The following ATP6V0D1 variants were observed in gnomAD, a reference collection of about 807,000 sequenced individuals.
The protein encoded by ATP6V0D1 is ATPase H+ transporting V0 subunit d1, also known as V-type proton ATPase subunit d 1.
A neutral mutation model predicts 39.0 loss-of-function variants in ATP6V0D1; 13 were observed. The ratio of observed to expected loss-of-function variants is 0.33; its 90% CI spans 0.22 to 0.53. ATP6V0D1 has a LOEUF of 0.53. Among genes scored for constraint, ATP6V0D1 ranks in the 20% least tolerant of loss-of-function variants. The pLI is 0.94. For missense variants in ATP6V0D1, 272 were observed against 470.9 expected, an observed-to-expected ratio of 0.58 and a Z score of 3.91; for synonymous variants, 191 against 191.2, an observed-to-expected ratio of 1.00 and a Z score of 0.01.
chr16:67,439,664 T>C (rs868274923), intron 4 of ATP6V0D1: 3 of 409,108 alleles, frequency 7.3e-6, no homozygotes, highest in Non-Finnish European at 1.3e-5. Flanking sequence ...TCCTCTGACT[T>C]TCCCCTGCTG....
chr16:67,477,902 C>T (rs796315281), intron 1 of ATP6V0D1, among the ~76,000 whole-genome samples: 41 of 152,244 alleles, frequency 2.7e-4, no homozygotes, highest in African/African-American at 8.4e-4. Context: ...ATCTCCTGAC[C>T]TCATGATCCA....
intron 4 of ATP6V0D1, 82 bp downstream of exon 4, chr16:67,443,017 C>G: frequency 6.9e-7 from 1 of 1,444,402 alleles, no homozygotes; most frequent in Non-Finnish European, 9.7e-7. Context: ...GTCCCAGCAC[C>G]TCACATAAAT....
intron 1 of ATP6V0D1, among the ~76,000 whole-genome samples, chr16:67,459,479 C>G (rs7202862): frequency 0.082 from 12,439 of 152,270 alleles, 1,682 homozygotes; most frequent in African/African-American, 0.28. Flanking sequence ...CAGACTCAGG[C>G]TGGCCACACT....
At chr16:67,459,003 G>A in intron 1 of ATP6V0D1, 1 of 961,296 alleles carries the variant, frequency 1.0e-6, no homozygotes, top group Non-Finnish European at 1.2e-6. Flanking sequence ...ATGGTTCGCT[G>A]TCACCTTCAC....
At chr16:67,443,251 C>T (rs910581733) in intron 3 of ATP6V0D1, 73 bp from the exon 4 acceptor site, 18 of 1,491,636 alleles carry the variant, frequency 1.2e-5, no homozygotes, top group African/African-American at 8.3e-5. Context: ...ATGCCCTACA[C>T]GGCACAGAGT....
At chr16:67,460,701 C>A (rs1011972401) in intron 1 of ATP6V0D1, among the ~76,000 whole-genome samples, 24 of 152,166 alleles carry the variant, frequency 1.6e-4, no homozygotes, top group Non-Finnish European at 1.3e-4. Context: ...CCATCCGGAA[C>A]CTTGGCACTA....
At chr16:67,455,268 A>C (rs965524311) in intron 1 of ATP6V0D1, 1 of 152,206 alleles carries the variant, frequency 6.6e-6, no homozygotes, top group Non-Finnish European at 1.5e-5. Context: ...TTAGAGAAGA[A>C]GGGAAGTGGG....
At chr16:67,448,142 G>A (rs563152219) in intron 2 of ATP6V0D1, among the ~76,000 whole-genome samples, 19 of 152,280 alleles carry the variant, frequency 1.2e-4, no homozygotes, top group African/African-American at 4.3e-4. Context: ...CTTAGCTCAG[G>A]AGTTTGAGGC....
intron 2 of ATP6V0D1, among the ~76,000 whole-genome samples, chr16:67,448,615 G>A (rs973290584): frequency 6.7e-6 from 1 of 148,772 alleles, no homozygotes; most frequent in East Asian, 2.0e-4. Context: ...AGCCGAGAAC[G>A]TGCCACTACA....
intron 1 of ATP6V0D1, among the ~76,000 whole-genome samples, chr16:67,468,592 A>C (rs998819751): frequency 4.6e-5 from 7 of 151,740 alleles, no homozygotes; most frequent in Admixed American, 3.3e-4. Flanking sequence ...AGTCTCAAAA[A>C]GAAAAAGAAA....
intron 1 of ATP6V0D1, among the ~76,000 whole-genome samples, chr16:67,471,704 C>G (rs1288677784): frequency 6.6e-6 from 1 of 151,654 alleles, no homozygotes; most frequent in Non-Finnish European, 1.5e-5. Flanking sequence ...CGGGGTCTCT[C>G]TCTGTTGCCC....
intron 1 of ATP6V0D1, among the ~76,000 whole-genome samples, chr16:67,464,270 CAG>C (rs1475673752): frequency 6.6e-6 from 1 of 152,132 alleles, no homozygotes; most frequent in African/African-American, 2.4e-5. Flanking sequence ...GGCCAGTTCA[CAG>C]AGATATAGTC....
chr16:67,464,806 G>C (rs899632149), intron 1 of ATP6V0D1, among the ~76,000 whole-genome samples: 8 of 152,286 alleles, frequency 5.3e-5, no homozygotes, highest in African/African-American at 1.9e-4. Flanking sequence ...GTCTGGGCAA[G>C]TGCCCAGGGC....
chr16:67,473,086 G>A (rs760174797), intron 1 of ATP6V0D1, among the ~76,000 whole-genome samples: 3 of 151,898 alleles, frequency 2.0e-5, no homozygotes, highest in Non-Finnish European at 2.9e-5. Context: ...GCAAATCCTC[G>A]ACACACACTC....
intron 2 of ATP6V0D1, among the ~76,000 whole-genome samples, chr16:67,451,451 G>A (rs2041179385): frequency 6.6e-6 from 1 of 152,222 alleles, no homozygotes; most frequent in South Asian, 2.1e-4. Context: ...AGAGTGGGCT[G>A]GAGGGCCTGA....
intron 1 of ATP6V0D1, among the ~76,000 whole-genome samples, chr16:67,469,265 G>A (rs1191798924): frequency 6.6e-6 from 1 of 152,062 alleles, no homozygotes. Flanking sequence ...CCGAGATTGC[G>A]CCATTGCACT....
At chr16:67,458,059 C>T (rs774134374) in intron 1 of ATP6V0D1, among the ~76,000 whole-genome samples, 3 of 152,178 alleles carry the variant, frequency 2.0e-5, no homozygotes, top group Admixed American at 1.3e-4. Flanking sequence ...GCCAAGAAGG[C>T]GACTTAGAGA....
chr16:67,478,674 G>A (rs760536949), intron 1 of ATP6V0D1, among the ~76,000 whole-genome samples: 28 of 123,036 alleles, frequency 2.3e-4, no homozygotes, highest in Admixed American at 6.4e-4. Flanking sequence ...AAGGATACCT[G>A]AATGCCACAC....
chr16:67,439,479 A>T, intron 4 of ATP6V0D1, 128 bp from the exon 5 acceptor site: 1 of 859,604 alleles, frequency 1.2e-6, no homozygotes, highest in Non-Finnish European at 1.9e-6. Context: ...ACACCCATGG[A>T]TGGGCCGGGG....
Sources: allele counts gnomAD v4.1 joint callset (sites outside exome capture counted in the v4.1 genomes callset), GRCh38; gene constraint gnomAD v4.1.1; transcripts MANE v1.5; gene names NCBI Gene and HGNC (gene_info 2026-07-23, HGNC 2026-07-21).